Variants in CHL1 observed in about 807,000 individuals in gnomAD.
CHL1 encodes neural cell adhesion molecule L1-like protein.
Under a neutral mutation model 141.9 loss-of-function variants are expected in CHL1, and 96 were observed. The observed-to-expected ratio is 0.68, with a 90% CI of 0.57 to 0.80. The LOEUF (loss-of-function observed/expected upper bound fraction) is 0.80. Among genes scored for constraint, CHL1 ranks in the 30% least tolerant of loss-of-function variants. The pLI, the probability that CHL1 is intolerant of heterozygous loss-of-function variation, is 0.00. For synonymous variants in CHL1, 613 were observed against 502.2 expected (o/e 1.22, Z -2.95); for missense variants, 1,820 against 1,457.2 (o/e 1.25, Z -4.05).
chr3:385,357 G>C (rs1439842219), intron 19 of CHL1, among the ~76,000 whole-genome samples: 1 of 152,104 alleles, frequency 6.6e-6, no homozygotes, highest in Non-Finnish European at 1.5e-5. Flanking sequence ...AGAGAAACTG[G>C]GAATCTCAGA....
intron 2 of CHL1, among the ~76,000 whole-genome samples, chr3:276,470 C>T (rs1229209484): frequency 1.3e-5 from 2 of 152,134 alleles, no homozygotes; most frequent in African/African-American, 4.8e-5. Context: ...GACTCAACTG[C>T]CTTTGACCAT....
chr3:377,241 G>A (rs930601152), intron 15 of CHL1, among the ~76,000 whole-genome samples: 1 of 152,160 alleles, frequency 6.6e-6, no homozygotes, highest in Non-Finnish European at 1.5e-5. Context: ...GCAAAAAGAA[G>A]TACTACACTG....
intron 4 of CHL1, 24 bp from the exon 5 acceptor site, chr3:328,143 A>T: frequency 1.3e-6 from 2 of 1,571,790 alleles, no homozygotes; most frequent in South Asian, 1.2e-5. Flanking sequence ...TTTCAGGATT[A>T]TTAAGTTCAG....
chr3:207,424 T>C (rs2124872509), intron 1 of CHL1, among the ~76,000 whole-genome samples: 1 of 152,298 alleles, frequency 6.6e-6, no homozygotes, highest in Admixed American at 6.5e-5. Context: ...GTGTTGTAAA[T>C]TCAAGGATTT....
chr3:279,181 A>T (rs1304387604), intron 2 of CHL1, among the ~76,000 whole-genome samples: 2 of 152,252 alleles, frequency 1.3e-5, no homozygotes, highest in Non-Finnish European at 2.9e-5. Flanking sequence ...ATAGTCCAGC[A>T]TTTATATATG....
At chr3:300,645 A>T (rs1045078188) in intron 2 of CHL1, among the ~76,000 whole-genome samples, 1 of 152,190 alleles carries the variant, frequency 6.6e-6, no homozygotes, top group East Asian at 1.9e-4. Flanking sequence ...CAAAGCCTGA[A>T]TGTTTCTTAC....
intron 2 of CHL1, among the ~76,000 whole-genome samples, chr3:290,571 C>A (rs544510378): frequency 6.6e-4 from 100 of 152,228 alleles, no homozygotes; most frequent in Admixed American, 1.4e-3. Context: ...ATTAGTCATG[C>A]CTGACTAACA....
Position 399,014 on chromosome 3 carries a change from C to T in CHL1, c.3254-3C>T, listed in dbSNP as rs1340418729. ...AATGCTGTGACTTCTCTTTCTACCA[C>T]AGAATATGCTGGTTTATATGATGAC... is the stretch of plus-strand genomic sequence containing the variant. On this transcript the variant is annotated splice_region_variant and splice_polypyrimidine_tract_variant and intron_variant, in intron 25 of 27. Coordinates refer to ENST00000256509, the MANE Select transcript of CHL1 (RefSeq NM_006614.4). The T allele has an allele frequency of 1.6e-5, 25 of 1,612,808 alleles. No individual in the cohort carries two copies. Among genetic ancestry groups the T allele is most frequent in the Non-Finnish European group, 1.9e-5 (22 of 1,179,168 alleles).
intron 1 of CHL1, among the ~76,000 whole-genome samples, chr3:208,212 C>T (rs1330305249): frequency 6.6e-6 from 1 of 152,160 alleles, no homozygotes; most frequent in African/African-American, 2.4e-5. Flanking sequence ...TTATAAAGTG[C>T]TTTGAAGATA....
chr3:376,235 T>C (rs182394762), intron 15 of CHL1, among the ~76,000 whole-genome samples: 1 of 152,314 alleles, frequency 6.6e-6, no homozygotes, highest in East Asian at 1.9e-4. Context: ...TGTCTGTTAC[T>C]GCAGCACACC....
intron 24 of CHL1, among the ~76,000 whole-genome samples, chr3:397,590 C>T (rs1708783144): frequency 6.6e-6 from 1 of 152,036 alleles, no homozygotes; most frequent in Non-Finnish European, 1.5e-5. Context: ...CAACTTGATT[C>T]ATTTTATCTT....
intron 16 of CHL1, among the ~76,000 whole-genome samples, chr3:381,711 C>T (rs1410857991): frequency 2.0e-5 from 3 of 152,070 alleles, no homozygotes; most frequent in East Asian, 1.9e-4. Context: ...AGCTCTGGCT[C>T]ATGGATGTGG....
Position 366,037 on chromosome 3 carries a change from C to G in CHL1, c.1673C>G (p.Ser558Ter), listed in dbSNP as rs1220448547. ...LELHCESKCD[S>*]HLKHSLKLSW... ...TTACATTGTGAAAGCAAATGTGACT[C>G]ACATTTGAAACACAGTTTGAAGTTG... Residue 558 changes from serine to a stop codon, truncating the protein, a stop_gained, in exon 15 of 28, where the codon TCA (serine) becomes TGA (stop). Transcript: ENST00000256509. LOFTEE classifies it high-confidence loss of function. The G allele has an allele frequency of 6.2e-7, 1 of 1,613,732 alleles. No homozygotes were observed. The highest frequency in any genetic ancestry group is 8.5e-7 in the Non-Finnish European group (1 of 1,179,710).
At chr3:231,985 T>C (rs1701906699) in intron 1 of CHL1, among the ~76,000 whole-genome samples, 1 of 152,216 alleles carries the variant, frequency 6.6e-6, no homozygotes, top group Non-Finnish European at 1.5e-5. Context: ...TCCAACATTT[T>C]GACTCTCCTC....
intron 18 of CHL1, among the ~76,000 whole-genome samples, chr3:383,392 A>G (rs1707293601): frequency 6.6e-6 from 1 of 152,212 alleles, no homozygotes; most frequent in Non-Finnish European, 1.5e-5. Context: ...GCTGATATTA[A>G]TACATGGTGT....
At chr3:346,847 A>G (rs1396784801) in intron 9 of CHL1, among the ~76,000 whole-genome samples, 1 of 152,174 alleles carries the variant, frequency 6.6e-6, no homozygotes. Context: ...AAATAATTAT[A>G]ATTAAAGTAT....
In CHL1 at chr3:406,426, T is replaced by C. The variant is rs1709537600; in HGVS notation, c.*715T>C. The C allele has an allele frequency of 6.6e-6, 1 of 151,682 alleles. No homozygotes were observed. Among genetic ancestry groups the C allele is most frequent in the African/African-American group, 2.4e-5 (1 of 41,306 alleles). The allele number at this position is 151,682 out of a possible 1,614,324, so 9.4% of individuals were successfully genotyped here. ...TTTTTTTTTTTTTTCTTGGACTAAA[T>C]TCAACTGCATGGAAGCGGTGGTCAG... On this transcript the variant is annotated 3_prime_UTR_variant, in exon 28 of 28. Coordinates refer to ENST00000256509, the MANE Select transcript of CHL1 (RefSeq NM_006614.4).
At chr3:352,250 AC>A (rs1245516745) in intron 10 of CHL1, among the ~76,000 whole-genome samples, 1 of 152,126 alleles carries the variant, frequency 6.6e-6, no homozygotes, top group African/African-American at 2.4e-5. Flanking sequence ...TTTTTGTTGA[AC>A]CTAACAAGTT....
At chr3:208,946 G>A (rs1029063496) in intron 1 of CHL1, among the ~76,000 whole-genome samples, 1 of 152,030 alleles carries the variant, frequency 6.6e-6, no homozygotes, top group Admixed American at 6.6e-5. Context: ...TATTTCTCAC[G>A]TATTGCCAAA....
Sources: gnomAD v4.1 joint callset for allele counts (sites outside exome capture counted in the v4.1 genomes callset) on GRCh38, gnomAD v4.1.1 for gene constraint, MANE v1.5 for transcripts, NCBI Gene and HGNC (gene_info 2026-07-23, HGNC 2026-07-21) for gene names.